Variants in LRRC37A2 observed in about 807,000 individuals in gnomAD.
LRRC37A2 encodes the protein leucine-rich repeat-containing protein 37A2.
Under a neutral mutation model 68.8 loss-of-function variants are expected in LRRC37A2, and 9 were observed. The ratio of observed to expected loss-of-function variants is 0.13; its 90% CI spans 0.08 to 0.23. The LOEUF is 0.23. Ranked by LOEUF, LRRC37A2 falls within the 10% of genes least tolerant of loss-of-function variation. The pLI is 1.00. For missense variants in LRRC37A2, 168 were observed against 950.4 expected (o/e 0.18, Z 10.82); for synonymous variants, 63 against 367.6 (o/e 0.17, Z 9.48).
chr17:46,911,890 A>G, the LRRC37A2 span, among the ~76,000 whole-genome samples: 1 of 152,288 alleles, frequency 6.6e-6, no homozygotes. Context: ...CTCAAAATAA[A>G]TAAAATAAAT....
the LRRC37A2 span, among the ~76,000 whole-genome samples, chr17:47,006,326 T>G: frequency 6.6e-6 from 1 of 152,076 alleles, no homozygotes; most frequent in African/African-American, 2.4e-5. Context: ...AATTAATTAA[T>G]TAAGGACTGC....
chr17:46,933,631 C>CTTTTTTTTTTTTTTTT, the LRRC37A2 span: 299 of 134,624 alleles, frequency 2.2e-3, 8 homozygotes, highest in African/African-American at 8.4e-3. Flanking sequence ...GTGGCATAAC[C>CTTTTTTTTTTTTTTTT]TTTTTTTTTT....
chr17:46,724,295 A>G, the LRRC37A2 span, among the ~76,000 whole-genome samples: 2 of 152,224 alleles, frequency 1.3e-5, no homozygotes, highest in African/African-American at 4.8e-5. Context: ...CGAAAATCTC[A>G]GTGGCTTAAC....
the LRRC37A2 span, among the ~76,000 whole-genome samples, chr17:46,759,077 G>A: frequency 6.6e-6 from 1 of 152,156 alleles, no homozygotes; most frequent in Non-Finnish European, 1.5e-5. Flanking sequence ...GGTGGCACAT[G>A]CCTGTAATCT....
the LRRC37A2 span, among the ~76,000 whole-genome samples, chr17:46,458,286 G>A: frequency 1.8e-5 from 2 of 110,940 alleles, no homozygotes; most frequent in Admixed American, 8.7e-5. Context: ...CGTAAGATAC[G>A]GGCTGCAGCT....
At chr17:46,800,447 C>T in the LRRC37A2 span, among the ~76,000 whole-genome samples, 1 of 152,218 alleles carries the variant, frequency 6.6e-6, no homozygotes, top group Admixed American at 6.5e-5. Flanking sequence ...CTGCAACACT[C>T]AGGATGATGT....
At chr17:46,792,950 T>C in the LRRC37A2 span, among the ~76,000 whole-genome samples, 1 of 151,278 alleles carries the variant, frequency 6.6e-6, no homozygotes, top group Non-Finnish European at 1.5e-5. Flanking sequence ...AGCTAGGAAA[T>C]GGTGGCACTG....
At chr17:46,922,031 CATGT>C in the LRRC37A2 span, among the ~76,000 whole-genome samples, 1 of 152,200 alleles carries the variant, frequency 6.6e-6, no homozygotes, top group African/African-American at 2.4e-5. Flanking sequence ...GACACATTTA[CATGT>C]ATGTTTATTG....
chr17:46,735,284 C>T, the LRRC37A2 span, among the ~76,000 whole-genome samples: 1 of 151,910 alleles, frequency 6.6e-6, no homozygotes, highest in Non-Finnish European at 1.5e-5. Flanking sequence ...AGTGTTGAGA[C>T]GAAATATTTT....
chr17:46,827,813 C>CTTTTT, the LRRC37A2 span, among the ~76,000 whole-genome samples: 1 of 142,014 alleles, frequency 7.0e-6, no homozygotes, highest in Non-Finnish European at 1.5e-5. Context: ...AAATTTCTTT[C>CTTTTT]TTTTTTTTTT....
chr17:46,898,098 G>A, the LRRC37A2 span, among the ~76,000 whole-genome samples: 7 of 152,252 alleles, frequency 4.6e-5, no homozygotes, highest in Admixed American at 1.3e-4. Flanking sequence ...GATGGATCAC[G>A]GGGCCTGGCC....
At chr17:46,823,916 C>T in the LRRC37A2 span, among the ~76,000 whole-genome samples, 2 of 152,192 alleles carry the variant, frequency 1.3e-5, no homozygotes, top group Non-Finnish European at 2.9e-5. Context: ...GAGAATGGTG[C>T]TGACGGAATG....
the LRRC37A2 span, among the ~76,000 whole-genome samples, chr17:46,991,929 C>T: frequency 2.0e-5 from 3 of 152,208 alleles, no homozygotes; most frequent in African/African-American, 4.8e-5. Context: ...ACAAATACCA[C>T]CTAGCTCTTT....
At chr17:46,809,915 A>C in the LRRC37A2 span, among the ~76,000 whole-genome samples, 18 of 151,744 alleles carry the variant, frequency 1.2e-4, no homozygotes, top group Non-Finnish European at 2.2e-4. Flanking sequence ...CAACTCCTCA[A>C]GCTCAGAGGC....
chr17:46,882,175 A>C, the LRRC37A2 span, among the ~76,000 whole-genome samples: 3 of 152,148 alleles, frequency 2.0e-5, no homozygotes, highest in Non-Finnish European at 4.4e-5. Flanking sequence ...AAAATTAAAA[A>C]ATTTTTAAAA....
chr17:46,854,654 T>A, the LRRC37A2 span, among the ~76,000 whole-genome samples: 1 of 152,130 alleles, frequency 6.6e-6, no homozygotes, highest in African/African-American at 2.4e-5. Flanking sequence ...AGTATTGCAG[T>A]TTACAAATCT....
At chr17:46,982,648 G>T in the LRRC37A2 span, among the ~76,000 whole-genome samples, 2 of 152,168 alleles carry the variant, frequency 1.3e-5, no homozygotes, top group African/African-American at 4.8e-5. Context: ...CCAAAGCCAC[G>T]CTCTTCATTA....
chr17:46,933,799 CA>C, the LRRC37A2 span, among the ~76,000 whole-genome samples: 1 of 151,390 alleles, frequency 6.6e-6, no homozygotes, highest in Admixed American at 6.6e-5. Flanking sequence ...ATTGTCTCTA[CA>C]AAAAAATATA....
At chr17:46,501,809 A>G in the LRRC37A2 span, among the ~76,000 whole-genome samples, 1,697 of 151,164 alleles carry the variant, frequency 0.011, 141 homozygotes, top group African/African-American at 0.036. Flanking sequence ...CTTGTTGCCT[A>G]TTGTCTATAT....
Sources: gnomAD v4.1 joint callset for allele counts (sites outside exome capture counted in the v4.1 genomes callset) on GRCh38, gnomAD v4.1.1 for gene constraint, MANE v1.5 for transcripts, NCBI Gene and HGNC (gene_info 2026-07-23, HGNC 2026-07-21) for gene names.